ZNF654: variants seen among roughly 807,000 people sequenced by gnomAD.
The protein encoded by ZNF654 is zinc finger protein 654.
A neutral mutation model predicts 95.3 loss-of-function variants in ZNF654; 19 were observed. That is an observed-to-expected ratio of 0.20 (90% CI 0.14 to 0.29). The LOEUF is 0.29. ZNF654 is among the 10% of genes least tolerant of loss of function. The pLI is 1.00. For synonymous variants in ZNF654, 413 were observed against 457.9 expected (o/e 0.90, Z 1.25); for missense variants, 1,046 against 1,341.0 (o/e 0.78, Z 3.44).
intron 2 of ZNF654, among the ~76,000 whole-genome samples, chr3:88,087,606 G>T (rs1351638999): frequency 6.6e-6 from 1 of 152,144 alleles, no homozygotes; most frequent in Non-Finnish European, 1.5e-5. Flanking sequence ...GCAACACAGC[G>T]GAGCAAGTCA....
At chr3:88,090,581 T>A (rs1477104543) in intron 2 of ZNF654, among the ~76,000 whole-genome samples, 1 of 152,198 alleles carries the variant, frequency 6.6e-6, no homozygotes, top group Non-Finnish European at 1.5e-5. Flanking sequence ...AAAATTTTTA[T>A]AAGTGCGGTA....
At chr3:88,090,590 T>A (rs1034876760) in intron 2 of ZNF654, among the ~76,000 whole-genome samples, 1 of 152,204 alleles carries the variant, frequency 6.6e-6, no homozygotes, top group South Asian at 2.1e-4. Flanking sequence ...ATAAGTGCGG[T>A]ATAGCCTACA....
chr3:88,116,104 C>T (rs1489627860), intron 3 of ZNF654, among the ~76,000 whole-genome samples: 2 of 152,098 alleles, frequency 1.3e-5, no homozygotes, highest in African/African-American at 2.4e-5. Flanking sequence ...GAGGAAATAG[C>T]AGGTGGTAGG....
At chr3:88,081,101 A>C (rs1357114452) in intron 1 of ZNF654, among the ~76,000 whole-genome samples, 2 of 152,088 alleles carry the variant, frequency 1.3e-5, no homozygotes, top group Non-Finnish European at 2.9e-5. Flanking sequence ...TATTTTGTAG[A>C]ATATCCCTCA....
chr3:88,100,157 G>A (rs1275942583), intron 2 of ZNF654, among the ~76,000 whole-genome samples: 1 of 152,184 alleles, frequency 6.6e-6, no homozygotes, highest in Non-Finnish European at 1.5e-5. Flanking sequence ...ATCAGAAAGT[G>A]GGTGCCGGAT....
intron 7 of ZNF654, among the ~76,000 whole-genome samples, chr3:88,135,699 CCT>C (rs1174470553): frequency 6.6e-6 from 1 of 152,026 alleles, no homozygotes; most frequent in Non-Finnish European, 1.5e-5. Context: ...TAAAAATAGT[CCT>C]GAGTCAAGTT....
chr3:88,141,086 AAG>A, intron 8 of ZNF654, 38 bp downstream of exon 8: 1 of 1,534,022 alleles, frequency 6.5e-7, no homozygotes, highest in Non-Finnish European at 8.7e-7. Context: ...TATCTGTAGA[AAG>A]AGAAAATGGC....
At chr3:88,068,739 T>G (rs2107606014) in intron 1 of ZNF654, among the ~76,000 whole-genome samples, 1 of 152,314 alleles carries the variant, frequency 6.6e-6, no homozygotes, top group African/African-American at 2.4e-5. Context: ...TTTAATCCAC[T>G]ACCCTACAAG....
chr3:88,067,836 T>C (rs752326193), intron 1 of ZNF654, among the ~76,000 whole-genome samples: 7 of 151,726 alleles, frequency 4.6e-5, no homozygotes, highest in Non-Finnish European at 8.8e-5. Context: ...AGGAAAGATA[T>C]GGTGGTAACT....
chr3:88,067,990 T>A (rs1425680996), intron 1 of ZNF654, among the ~76,000 whole-genome samples: 1 of 152,038 alleles, frequency 6.6e-6, no homozygotes, highest in Admixed American at 6.5e-5. Context: ...AGGGATTATC[T>A]ATATTATAAG....
At chr3:88,108,475 C>CGGT (rs1166793961) in intron 2 of ZNF654, among the ~76,000 whole-genome samples, 6 of 152,124 alleles carry the variant, frequency 3.9e-5, no homozygotes, top group Non-Finnish European at 7.4e-5. Context: ...CGGTTTGTTA[C>CGGT]CCATAGTCAA....
chr3:88,067,440 A>G (rs1360020449), intron 1 of ZNF654, among the ~76,000 whole-genome samples: 1 of 152,234 alleles, frequency 6.6e-6, no homozygotes, highest in Admixed American at 6.5e-5. Context: ...ATTCGAAGTC[A>G]TATGTGTGAA....
intron 1 of ZNF654, among the ~76,000 whole-genome samples, chr3:88,071,245 C>T (rs968271545): frequency 6.6e-6 from 1 of 152,084 alleles, no homozygotes; most frequent in African/African-American, 2.4e-5. Flanking sequence ...AGTGGTGGCT[C>T]GCGGCTGTAA....
intron 5 of ZNF654, 100 bp downstream of exon 5, chr3:88,129,111 A>T: frequency 1.2e-6 from 1 of 805,810 alleles, no homozygotes; most frequent in Non-Finnish European, 1.9e-6. Flanking sequence ...TTCCTTTTAC[A>T]GTAATGCCAA....
chr3:88,126,507 T>C (rs1321571327), intron 4 of ZNF654, among the ~76,000 whole-genome samples: 1 of 151,954 alleles, frequency 6.6e-6, no homozygotes, highest in Non-Finnish European at 1.5e-5. Context: ...ATCTACTAGA[T>C]GTTATTTATT....
intron 2 of ZNF654, among the ~76,000 whole-genome samples, chr3:88,101,776 T>C (rs928880922): frequency 2.0e-5 from 3 of 152,208 alleles, no homozygotes; most frequent in African/African-American, 7.2e-5. Context: ...ATTAAAATTC[T>C]AACCAATTTC....
intron 2 of ZNF654, among the ~76,000 whole-genome samples, chr3:88,109,312 A>G (rs933361634): frequency 3.3e-5 from 5 of 152,164 alleles, no homozygotes; most frequent in African/African-American, 1.2e-4. Context: ...GTTACTAAGT[A>G]GGACTGAATA....
intron 1 of ZNF654, among the ~76,000 whole-genome samples, chr3:88,067,900 A>G (rs1014696170): frequency 1.4e-5 from 2 of 147,682 alleles, no homozygotes; most frequent in African/African-American, 5.0e-5. Flanking sequence ...TTTTTTTTTT[A>G]GTAAATTGGT....
At chr3:88,076,007 T>C (rs539839600) in intron 1 of ZNF654, among the ~76,000 whole-genome samples, 18 of 152,368 alleles carry the variant, frequency 1.2e-4, no homozygotes, top group African/African-American at 3.4e-4. Flanking sequence ...ACTTTGACTT[T>C]CTGGAGCACT....
Sources: allele counts gnomAD v4.1 joint callset (sites outside exome capture counted in the v4.1 genomes callset), GRCh38; gene constraint gnomAD v4.1.1; transcripts MANE v1.5; gene names NCBI Gene and HGNC (gene_info 2026-07-23, HGNC 2026-07-21).